The following GPSM1 variants were observed in gnomAD, a reference collection of about 807,000 sequenced individuals.
The protein encoded by GPSM1 is G protein-signaling modulator 1.
In GPSM1, 48 loss-of-function variants were observed where a neutral mutation model predicts 70.5. The observed-to-expected ratio is 0.68, with a 90% CI of 0.54 to 0.87. GPSM1 has a LOEUF of 0.87. GPSM1 is among the 40% of genes least tolerant of loss of function. GPSM1 has a pLI of 0.00. For synonymous variants in GPSM1, 416 were observed against 430.1 expected, an observed-to-expected ratio of 0.97 and a Z score of 0.41; for missense variants, 981 against 972.6, an observed-to-expected ratio of 1.01 and a Z score of -0.11.
In GPSM1 at chr9:136,342,205, C is replaced by A. The variant is rs1660671080; in HGVS notation, c.1207+1212C>A. Among the ~76,000 whole-genome samples, 1 of 152,122 alleles carries A rather than the reference C, an allele frequency of 6.6e-6. No individual in the cohort carries two copies. Among genetic ancestry groups the A allele is most frequent in the African/African-American group, 2.4e-5 (1 of 41,416 alleles). ...GCCGGGGTTTCCTAAGGGTGGGGAG[C>A]TCTGCCGAGAGCTCCTGCGGCACCC... is the stretch of plus-strand genomic sequence containing the variant. On this transcript the variant is annotated intron_variant, in intron 9 of 13. Coordinates refer to ENST00000440944, the MANE Select transcript of GPSM1 (RefSeq NM_001145638.3). This position sits in a 1 kb window ranked among gnomAD's most constrained non-coding sequence, Gnocchi z 5.5.
chr9:136,354,970 G>A (rs1832775400), intron 11 of GPSM1: 5 of 1,060,850 alleles, frequency 4.7e-6, no homozygotes, highest in Admixed American at 5.9e-5. Flanking sequence ...GGCCTGGACT[G>A]GGGTAGCACC....
intron 6 of GPSM1, among the ~76,000 whole-genome samples, 170 bp downstream of exon 6, chr9:136,338,131 G>C (rs1037110725): frequency 6.6e-6 from 1 of 152,218 alleles, no homozygotes; most frequent in Admixed American, 6.5e-5. Context: ...AAAGCTCATG[G>C]GGAGGCAGGC....
At chr9:136,355,966 C>A in intron 12 of GPSM1, 120 bp downstream of exon 12, 1 of 809,584 alleles carries the variant, frequency 1.2e-6, no homozygotes, top group Non-Finnish European at 1.9e-6. Context: ...AGCTGCAGAG[C>A]ACCCTGTCAC....
Position 136,350,684 on chromosome 9 carries a change from C to G in GPSM1, c.1455+921C>G, listed in dbSNP as rs572515174. Among the ~76,000 whole-genome samples the G allele has an allele frequency of 7.9e-5, 12 of 152,336 alleles. No homozygotes were observed. In the East Asian group the frequency reaches 9.6e-4, roughly 12 times the overall value. On this transcript the variant is annotated intron_variant, in intron 11 of 13. Coordinates refer to ENST00000440944, the MANE Select transcript of GPSM1 (RefSeq NM_001145638.3). ...TGGGAGGCCCCACCCTGCCCTACCCCACCTGGGCTCAAGGTCACGAGTGGA... is the reference window on the plus strand; with the variant it reads ...TGGGAGGCCCCACCCTGCCCTACCCGACCTGGGCTCAAGGTCACGAGTGGA...
intron 13 of GPSM1, 61 bp downstream of exon 13, chr9:136,356,611 G>T (rs548890680): frequency 1.4e-5 from 18 of 1,306,254 alleles, no homozygotes; most frequent in Non-Finnish European, 1.8e-5. Flanking sequence ...GTGTGTGGAG[G>T]CAACTTGTGT....
At chr9:136,350,244 G>A (rs28734885) in intron 11 of GPSM1, among the ~76,000 whole-genome samples, 16,932 of 152,296 alleles carry the variant, frequency 0.11, 1,012 homozygotes, top group East Asian at 0.15. Flanking sequence ...CAGATCCCCT[G>A]ATGGGGTGCC....
intron 1 of GPSM1, among the ~76,000 whole-genome samples, chr9:136,330,566 C>G (rs1832076778): frequency 6.6e-6 from 1 of 152,236 alleles, no homozygotes; most frequent in South Asian, 2.1e-4. Flanking sequence ...CTCTCCCCTC[C>G]CCTGGCCACT....
rs1375996153 is a variant in GPSM1 at position 136,340,723 on chromosome 9, G to A, written c.1084-147G>A. On this transcript the variant is annotated intron_variant, in intron 8 of 13. Transcript: ENST00000440944. The surrounding 1 kb of genome is among the most constrained non-coding windows in gnomAD (Gnocchi z 7.3). The stretch of plus-strand genomic sequence containing the variant: ...ACCTCCGGGTCCACAGTGAGTCCTG[G>A]TTCCCTCAGAGGCCCAGGGGTCAGT... 12 of 1,194,174 alleles carry A rather than the reference G, an allele frequency of 1.0e-5. No individual in the cohort carries two copies. In the East Asian group the frequency reaches 2.6e-4, roughly 26 times the overall value. The allele number at this position is 1,194,174 out of a possible 1,614,324, so 74.0% of individuals were successfully genotyped here.
chr9:136,349,689 G>C lies in GPSM1; in HGVS notation c.1381G>C (p.Ala461Pro). The change falls in exon 11 of 14, where the codon GCT becomes CCT. Residue 461 changes from alanine (A) to proline (P), a missense_variant. Coordinates refer to ENST00000440944, the MANE Select transcript of GPSM1 (RefSeq NM_001145638.3). ...CAGGAAGTACCAGGAAGGCCCGGAC[G>C]CTGAGAGGAGGCCCCGGGAGGGCAG... ...RSRKYQEGPD[A>P]ERRPREGSHS... 6.4e-7 allele frequency: 1 copy of C among 1,561,108 alleles called. No individual in the cohort carries two copies. The highest frequency in any genetic ancestry group is 8.7e-7 in the Non-Finnish European group (1 of 1,152,992).
intron 10 of GPSM1, among the ~76,000 whole-genome samples, chr9:136,349,038 G>C (rs1832593201): frequency 6.6e-6 from 1 of 152,214 alleles, no homozygotes; most frequent in African/African-American, 2.4e-5. Context: ...ACACCCTCGG[G>C]AGCCCACAGA....
chr9:136,352,664 G>A (rs1832703407), intron 11 of GPSM1, among the ~76,000 whole-genome samples: 1 of 152,236 alleles, frequency 6.6e-6, no homozygotes, highest in Non-Finnish European at 1.5e-5. Flanking sequence ...TCCAGATGAG[G>A]ACAGCAACCC....
chr9:136,349,628 G>A lies in GPSM1; in HGVS notation c.1320G>A (p.Gly440=), dbSNP rs782485289. ...GCCACCATTCAGGGGACTGGCGGGGGCCCAGCAGGGACTCGCTACCCCTCC... is the reference window on the plus strand; with the variant it reads ...GCCACCATTCAGGGGACTGGCGGGGACCCAGCAGGGACTCGCTACCCCTCC... ...GDSHHSGDWR[G]PSRDSLPLPV... The change falls in exon 11 of 14, where the codon GGG becomes GGA. Residue 440 remains glycine, a synonymous_variant. Transcript: ENST00000440944. The A allele has an allele frequency of 7.1e-6, 11 of 1,549,892 alleles. No individual in the cohort carries two copies. The Admixed American group carries it at 9.8e-5, about 14-fold the overall frequency.
At position 136,336,978 on chromosome 9, in the gene GPSM1, C is replaced by G. The variant is rs1832254580; in HGVS notation, c.484C>G (p.Gln162Glu). Residue 162 changes from glutamine to glutamate, a missense_variant, in exon 4 of 14, where the codon CAA becomes GAA. Gln to Glu is a conservative substitution (Grantham distance 29). Coordinates refer to ENST00000440944, the MANE Select transcript of GPSM1 (RefSeq NM_001145638.3). ...GAACGTGTACCACGCCAAAGGCAAGCAACTGTCCTGGAACGCCGCAAACGC... is the reference window on the plus strand; with the variant it reads ...GAACGTGTACCACGCCAAAGGCAAGGAACTGTCCTGGAACGCCGCAAACGC... ...IGNVYHAKGK[Q>E]LSWNAANATQ... The G allele has an allele frequency of 1.3e-6, 2 of 1,556,264 alleles. No individual in the cohort carries two copies. Among genetic ancestry groups the G allele is most frequent in the African/African-American group, 2.7e-5 (2 of 73,260 alleles).
chr9:136,355,636 G>C (rs554870145), intron 11 of GPSM1, 54 bp from the exon 12 acceptor site: 1 of 1,565,560 alleles, frequency 6.4e-7, no homozygotes, highest in East Asian at 2.2e-5. Flanking sequence ...CCCCGGTCTC[G>C]TCTGGGGGTC....
Position 136,342,283 on chromosome 9 carries a change from C to A in GPSM1, c.1207+1290C>A, listed in dbSNP as rs1350471624. On this transcript the variant is annotated intron_variant, in intron 9 of 13. Transcript: ENST00000440944. The surrounding 1 kb of genome is among the most constrained non-coding windows in gnomAD (Gnocchi z 5.5). ...GCACTGCCACCATCTGGGACCCCAG[C>A]AGCAACTGGCAGCAGGGCTGGGAGC... 2.6e-5 allele frequency among the ~76,000 whole-genome samples: 4 copies of A among 152,302 alleles called. No individual in the cohort carries two copies. Among genetic ancestry groups the A allele is most frequent in the African/African-American group, 9.6e-5 (4 of 41,562 alleles).
At position 136,341,451 on chromosome 9, in the gene GPSM1, G is replaced by A; in HGVS notation, c.1207+458G>A. On this transcript the variant is annotated intron_variant, in intron 9 of 13. Coordinates refer to ENST00000440944, the MANE Select transcript of GPSM1 (RefSeq NM_001145638.3). The surrounding 1 kb of genome is among the most constrained non-coding windows in gnomAD (Gnocchi z 6.7). The stretch of plus-strand genomic sequence containing the variant: ...TCAGGCAAGGCCCAAGGCCATGCGA[G>A]GCCACCGTGGTGACCTCATTCATGG... The A allele has an allele frequency of 1.5e-6, 2 of 1,367,602 alleles. No homozygotes were observed. The highest frequency in any genetic ancestry group is 1.9e-6 in the Non-Finnish European group (2 of 1,063,002). The allele number at this position is 1,367,602 out of a possible 1,614,324, so 84.7% of individuals were successfully genotyped here.
rs1832604753 is a variant in GPSM1, at chr9:136,349,512, C to T, written c.1279-75C>T. ...ATCCATGAAATGGAGGCGGCCTGGC[C>T]TTCCCTTCAGGGTCCTGGGATGGGG... On this transcript the variant is annotated intron_variant, in intron 10 of 13. Transcript: ENST00000440944. 3.7e-6 allele frequency: 5 copies of T among 1,351,460 alleles called. No individual in the cohort carries two copies. The South Asian group carries it at 5.6e-5, about 15-fold the overall frequency. The allele number at this position is 1,351,460 out of a possible 1,614,324, so 83.7% of individuals were successfully genotyped here. A position where few individuals can be genotyped will look rare whatever the true frequency, so the allele number is the denominator to read the frequency against.
rs1387911299 is a variant in GPSM1 at position 136,339,714 on chromosome 9, G to A, written c.982G>A (p.Glu328Lys). Reference protein sequence around the residue: ...IAQELADRVGEGRACWSLGNA... With the variant: ...IAQELADRVGKGRACWSLGNA... ...GGTCTCCCTCTCTGGCAGAGTGGGC[G>A]AGGGCCGGGCGTGCTGGAGCCTGGG... Residue 328 changes from glutamate to lysine, a missense_variant, in exon 8 of 14, where the codon GAG (glutamate) becomes AAG (lysine). Coordinates refer to ENST00000440944, the MANE Select transcript of GPSM1 (RefSeq NM_001145638.3). 7 of 1,549,036 alleles carry A rather than the reference G, an allele frequency of 4.5e-6. No individual in the cohort carries two copies. Among genetic ancestry groups the A allele is most frequent in the South Asian group, 1.2e-5 (1 of 84,032 alleles).
rs761548196 is a variant in GPSM1 at position 136,340,319 on chromosome 9, A to G, written c.1083+504A>G. On this transcript the variant is annotated intron_variant, in intron 8 of 13. Transcript: ENST00000440944. This position sits in a 1 kb window ranked among gnomAD's most constrained non-coding sequence, Gnocchi z 7.3. ...GAGGGTGGAGAGGGGCGGGCATGGG[A>G]AGGTCAGCAGAGCCCTCGTCTGAAG... 5.3e-5 allele frequency among the ~76,000 whole-genome samples: 8 copies of G among 152,044 alleles called. No homozygotes were observed. Among genetic ancestry groups the G allele is most frequent in the East Asian group, 3.9e-4 (2 of 5,152 alleles).
Sources: gnomAD v4.1 joint callset for allele counts (sites outside exome capture counted in the v4.1 genomes callset) on GRCh38, gnomAD v4.1.1 for gene constraint, Gnocchi (gnomAD v3.1) non-coding constraint, MANE v1.5 for transcripts, NCBI Gene and HGNC (gene_info 2026-07-23, HGNC 2026-07-21) for gene names.